Variants in THADA observed in about 807,000 individuals in gnomAD.
The protein encoded by THADA is tRNA (32-2'-O)-methyltransferase regulator THADA.
In THADA, 213 loss-of-function variants were observed where a neutral mutation model predicts 219.8. The observed-to-expected ratio is 0.97, with a 90% confidence interval of 0.87 to 1.09. The LOEUF (loss-of-function observed/expected upper bound fraction) is 1.09, where lower values mean the gene tolerates loss of function less well. Ranked by LOEUF, THADA falls within the 50% of genes least tolerant of loss-of-function variation. The pLI is 0.00. For missense variants in THADA, 2,956 were observed against 2,311.3 expected (o/e 1.28, Z -5.72); for synonymous variants, 1,018 against 828.9 (o/e 1.23, Z -3.92).
At chr2:43,546,356 G>A (rs1428815633) in intron 20 of THADA, among the ~76,000 whole-genome samples, 7 of 152,102 alleles carry the variant, frequency 4.6e-5, no homozygotes, top group Non-Finnish European at 2.9e-5. Flanking sequence ...GTTGATTTGG[G>A]GTGGAGAGTT....
chr2:43,435,975 A>G (rs1409610500), intron 26 of THADA, among the ~76,000 whole-genome samples: 1 of 152,060 alleles, frequency 6.6e-6, no homozygotes, highest in East Asian at 1.9e-4. Context: ...AAAGAGCCCT[A>G]GGAAATTCTA....
intron 31 of THADA, among the ~76,000 whole-genome samples, chr2:43,296,873 AC>A (rs1675459244): frequency 9.2e-6 from 1 of 108,524 alleles, no homozygotes; most frequent in Admixed American, 9.1e-5. Context: ...GGAGGAGCGG[AC>A]GGGCCCCGCG....
Position 43,572,903 on chromosome 2 carries a change from G to C in THADA, c.1819C>G (p.His607Asp). 1 of 1,613,928 alleles carries C rather than the reference G, an allele frequency of 6.2e-7. No homozygotes were observed. The highest frequency in any genetic ancestry group is 8.5e-7 in the Non-Finnish European group (1 of 1,179,864). Residue 607 changes from histidine to aspartate, a missense_variant, in exon 12 of 38, where the codon CAT becomes GAT. Transcript: ENST00000405975. ...LMACLRIARA[H>D]GHLQSATDTW... ...TCAGTTGCAGACTGAAGATGTCCATGAGCTCTAGCTATTCGCAGACATGCC... is the reference window on the plus strand; with the variant it reads ...TCAGTTGCAGACTGAAGATGTCCATCAGCTCTAGCTATTCGCAGACATGCC...
At chr2:43,580,024 C>CTTTTTTTTTTTTTT (rs34171011) in intron 8 of THADA, among the ~76,000 whole-genome samples, 1 of 122,834 alleles carries the variant, frequency 8.1e-6, no homozygotes, top group Non-Finnish European at 1.7e-5. Flanking sequence ...AAAGCTACTT[C>CTTTTTTTTTTTTTT]TTTTTTTTTT....
rs965094049 is a variant in THADA, at chr2:43,406,254, G to A, written c.4059-8115C>T. 4.6e-4 allele frequency among the ~76,000 whole-genome samples: 70 copies of A among 152,210 alleles called. 1 individual carries two copies. The highest frequency in any genetic ancestry group is 2.9e-4 in the Non-Finnish European group (20 of 68,042). On this transcript the variant is annotated intron_variant, in intron 28 of 37. Transcript: ENST00000405975. ...AGGCAAGGAGATTTTCCAACAGGGA[G>A]GGGTGAAGGTACACAATGCAGTTGT...
intron 36 of THADA, among the ~76,000 whole-genome samples, chr2:43,258,457 G>A (rs1166746954): frequency 6.6e-6 from 1 of 152,206 alleles, no homozygotes; most frequent in Non-Finnish European, 1.5e-5. Context: ...GGGAGGTGGA[G>A]GTTGTGGTGA....
In THADA at chr2:43,246,519, C is replaced by CA. The variant is rs1159607547; in HGVS notation, c.5297-13638dup. 1.2e-3 allele frequency among the ~76,000 whole-genome samples: 179 copies of CA among 149,462 alleles called. 1 individual carries two copies. The highest frequency in any genetic ancestry group is 4.5e-3 in the South Asian group (21 of 4,714). On this transcript the variant is annotated intron_variant, in intron 36 of 37. Coordinates refer to ENST00000405975, the MANE Select transcript of THADA (RefSeq NM_022065.5). ...AAAAACAAACAAACAAACAAACAAACAAAAAAAAACAGAATCCAGAAAGTT... is the reference window on the plus strand; with the variant it reads ...AAAAACAAACAAACAAACAAACAAACAAAAAAAAAACAGAATCCAGAAAGTT...
At position 43,492,961 on chromosome 2, in the gene THADA, C is replaced by T. The variant is rs534144856; in HGVS notation, c.3744+5872G>A. ...CAATGAAGCTCCATGCCAAGGCACGCGGCACAGTGAATAGAGCACAGCTAG... is the reference window on the plus strand; with the variant it reads ...CAATGAAGCTCCATGCCAAGGCACGTGGCACAGTGAATAGAGCACAGCTAG... On this transcript the variant is annotated intron_variant, in intron 25 of 37. Transcript: ENST00000405975. Among the ~76,000 whole-genome samples the T allele has an allele frequency of 7.9e-5, 12 of 152,272 alleles. No individual in the cohort carries two copies. In the East Asian group the frequency reaches 1.2e-3, roughly 15 times the overall value.
intron 31 of THADA, among the ~76,000 whole-genome samples, chr2:43,296,523 G>A (rs1286357008): frequency 3.3e-5 from 5 of 152,014 alleles, no homozygotes; most frequent in African/African-American, 4.8e-5. Flanking sequence ...TGATCTGCCC[G>A]CCTCGGCCTC....
At position 43,342,624 on chromosome 2, in the gene THADA, A is replaced by G. The variant is rs147142921; in HGVS notation, c.4343+1498T>C. Reference sequence around the variant, plus strand: ...AAATTCTGGCTCACTCTTGATGGCCAGTTTGATGTCAGCCCTCTCTCACCC... The same window carrying G: ...AAATTCTGGCTCACTCTTGATGGCCGGTTTGATGTCAGCCCTCTCTCACCC... On this transcript the variant is annotated intron_variant, in intron 30 of 37. Coordinates refer to ENST00000405975, the MANE Select transcript of THADA (RefSeq NM_022065.5). 5.9e-5 allele frequency among the ~76,000 whole-genome samples: 9 copies of G among 152,346 alleles called. No individual in the cohort carries two copies. In the East Asian group the frequency reaches 1.7e-3, roughly 29 times the overall value.
intron 36 of THADA, among the ~76,000 whole-genome samples, chr2:43,258,436 C>T (rs1392948875): frequency 1.3e-5 from 2 of 152,088 alleles, no homozygotes; most frequent in Non-Finnish European, 2.9e-5. Flanking sequence ...GTGGGAGAAT[C>T]GCTTGAGCCT....
intron 36 of THADA, among the ~76,000 whole-genome samples, chr2:43,268,455 T>C (rs1224982021): frequency 6.6e-6 from 1 of 152,146 alleles, no homozygotes; most frequent in Non-Finnish European, 1.5e-5. Flanking sequence ...AGAGCCACTC[T>C]CCATTCTGCT....
At chr2:43,418,652 C>A (rs1677310773) in intron 28 of THADA, among the ~76,000 whole-genome samples, 2 of 152,016 alleles carry the variant, frequency 1.3e-5, no homozygotes, top group South Asian at 4.2e-4. Flanking sequence ...AGTTCTAGAT[C>A]TAGGACCAGG....
At chr2:43,310,975 G>A (rs569667845) in intron 31 of THADA, among the ~76,000 whole-genome samples, 2 of 152,274 alleles carry the variant, frequency 1.3e-5, no homozygotes, top group African/African-American at 2.4e-5. Flanking sequence ...TAGCGAGTTC[G>A]ACACCAGCCT....
intron 26 of THADA, among the ~76,000 whole-genome samples, chr2:43,434,170 G>C (rs1224116435): frequency 1.3e-5 from 2 of 152,178 alleles, no homozygotes; most frequent in Non-Finnish European, 2.9e-5. Context: ...GAAAGCACAG[G>C]AGCAGACATA....
At chr2:43,403,454 A>G (rs1291758018) in intron 28 of THADA, among the ~76,000 whole-genome samples, 1 of 152,174 alleles carries the variant, frequency 6.6e-6, no homozygotes, top group Non-Finnish European at 1.5e-5. Flanking sequence ...TTTGTAGGCA[A>G]TGTTGGGGAG....
chr2:43,466,052 T>C (rs1192738775), intron 26 of THADA, among the ~76,000 whole-genome samples: 1 of 152,200 alleles, frequency 6.6e-6, no homozygotes, highest in African/African-American at 2.4e-5. Flanking sequence ...CTCTAATCAG[T>C]ATCTGTCTCT....
At chr2:43,335,355 T>C (rs990400579) in intron 30 of THADA, among the ~76,000 whole-genome samples, 1 of 152,042 alleles carries the variant, frequency 6.6e-6, no homozygotes, top group African/African-American at 2.4e-5. Flanking sequence ...AGTTGTCAGG[T>C]AGGATGTTAA....
rs568353617 is a variant in THADA at position 43,259,660 on chromosome 2, G to A, written c.5296+20105C>T. ...ATATCACGGATGCCTTTGCATGTGGGTTCATACTGATTTACTCCATTTTTA... is the reference window on the plus strand; with the variant it reads ...ATATCACGGATGCCTTTGCATGTGGATTCATACTGATTTACTCCATTTTTA... On this transcript the variant is annotated intron_variant, in intron 36 of 37. Transcript: ENST00000405975. 1.1e-3 allele frequency among the ~76,000 whole-genome samples: 161 copies of A among 152,286 alleles called. 1 individual carries two copies. Among genetic ancestry groups the A allele is most frequent in the African/African-American group, 3.6e-3 (149 of 41,548 alleles).
Sources: allele counts gnomAD v4.1 joint callset (sites outside exome capture counted in the v4.1 genomes callset), GRCh38; gene constraint gnomAD v4.1.1; transcripts MANE v1.5; gene names NCBI Gene and HGNC (gene_info 2026-07-23, HGNC 2026-07-21).